RANBP2: variants seen among roughly 807,000 people sequenced by gnomAD.
The protein encoded by RANBP2 is E3 SUMO-protein ligase RanBP2.
In RANBP2, 57 loss-of-function variants were observed where a neutral mutation model predicts 303.6. The observed-to-expected ratio is 0.19, with a 90% confidence interval of 0.15 to 0.23. The LOEUF (loss-of-function observed/expected upper bound fraction) is 0.23, where lower values mean the gene tolerates loss of function less well. Among genes scored for constraint, RANBP2 ranks in the 10% least tolerant of loss-of-function variants. The pLI is 1.00. For missense variants in RANBP2, 3,138 were observed against 3,780.8 expected (o/e 0.83, Z 4.46); for synonymous variants, 1,167 against 1,301.5 (o/e 0.90, Z 2.23).
At chr2:108,754,268 A>G (rs551232967) in intron 15 of RANBP2, among the ~76,000 whole-genome samples, 178 of 151,570 alleles carry the variant, frequency 1.2e-3, no homozygotes, top group African/African-American at 4.3e-3. Context: ...CAAAACAAAT[A>G]TTATAACCTC....
the RANBP2 span, chr2:109,491,067 A>C: frequency 8.4e-6 from 7 of 829,078 alleles, no homozygotes; most frequent in African/African-American, 5.2e-5. Context: ...CAACACCCAG[A>C]TCCACATGGT....
chr2:108,898,433 G>A, the RANBP2 span, among the ~76,000 whole-genome samples: 1 of 152,162 alleles, frequency 6.6e-6, no homozygotes, highest in Admixed American at 6.5e-5. Context: ...TAGCAAGACA[G>A]CACCCTCATT....
At chr2:109,517,017 T>C in the RANBP2 span, among the ~76,000 whole-genome samples, 1 of 152,004 alleles carries the variant, frequency 6.6e-6, no homozygotes, top group African/African-American at 2.4e-5. Context: ...CCCTACCCAC[T>C]AGGAACACAT....
At chr2:109,238,802 A>G in the RANBP2 span, among the ~76,000 whole-genome samples, 1 of 151,950 alleles carries the variant, frequency 6.6e-6, no homozygotes, top group Non-Finnish European at 1.5e-5. Context: ...CCCTGATGAA[A>G]CCCGGCGAGG....
chr2:108,728,727 C>A (rs1422636540), intron 1 of RANBP2, among the ~76,000 whole-genome samples: 1 of 152,116 alleles, frequency 6.6e-6, no homozygotes, highest in Non-Finnish European at 1.5e-5. Context: ...TCACTGCAAC[C>A]TCCACCTCCT....
At chr2:109,039,689 A>C in the RANBP2 span, among the ~76,000 whole-genome samples, 1 of 152,006 alleles carries the variant, frequency 6.6e-6, no homozygotes, top group Admixed American at 6.6e-5. Flanking sequence ...TCTTTTGTTA[A>C]GTACCTATTC....
the RANBP2 span, among the ~76,000 whole-genome samples, chr2:109,152,578 A>T: frequency 4.6e-5 from 7 of 152,184 alleles, no homozygotes; most frequent in African/African-American, 1.2e-4. Flanking sequence ...CCTTTTTATT[A>T]TTTACATTGT....
chr2:109,202,142 C>T, the RANBP2 span, among the ~76,000 whole-genome samples: 20 of 152,298 alleles, frequency 1.3e-4, no homozygotes, highest in Admixed American at 9.1e-4. Flanking sequence ...AGCATATGGA[C>T]GCACTTACAG....
the RANBP2 span, among the ~76,000 whole-genome samples, chr2:109,302,962 T>C: frequency 6.6e-6 from 1 of 152,106 alleles, no homozygotes; most frequent in Non-Finnish European, 1.5e-5. Flanking sequence ...CTGCAACCTC[T>C]GCCTCCCAGG....
chr2:109,072,347 T>C, the RANBP2 span, among the ~76,000 whole-genome samples: 45 of 152,324 alleles, frequency 3.0e-4, no homozygotes, highest in African/African-American at 1.0e-3. Flanking sequence ...TGAAAGAAAC[T>C]CTGTGCTGGC....
the RANBP2 span, among the ~76,000 whole-genome samples, chr2:109,200,696 C>G: frequency 6.6e-6 from 1 of 152,182 alleles, no homozygotes; most frequent in Non-Finnish European, 1.5e-5. Flanking sequence ...CCCTGCACTC[C>G]GGTTGGTTCA....
At chr2:108,779,301 A>G (rs887546419) in intron 25 of RANBP2, among the ~76,000 whole-genome samples, 1 of 152,096 alleles carries the variant, frequency 6.6e-6, no homozygotes, top group Admixed American at 6.5e-5. Context: ...AGCTGGGATT[A>G]CAGGCATGCA....
chr2:109,256,162 C>A, the RANBP2 span, among the ~76,000 whole-genome samples: 2 of 152,184 alleles, frequency 1.3e-5, no homozygotes, highest in Non-Finnish European at 2.9e-5. Context: ...CAGCACCTGG[C>A]GGAGGCCCTC....
intron 6 of RANBP2, among the ~76,000 whole-genome samples, chr2:108,738,131 G>C (rs543914523): frequency 1.4e-5 from 2 of 146,010 alleles, no homozygotes; most frequent in Non-Finnish European, 3.0e-5. Flanking sequence ...GCTGGAGTGC[G>C]GTGGCGCCAT....
chr2:108,792,233 A>C, the RANBP2 span, among the ~76,000 whole-genome samples: 3,200 of 152,280 alleles, frequency 0.021, 108 homozygotes, highest in African/African-American at 0.073. Flanking sequence ...CTGGGCTACA[A>C]GACTTTGAGT....
At chr2:109,069,743 C>T in the RANBP2 span, among the ~76,000 whole-genome samples, 286 of 152,114 alleles carry the variant, frequency 1.9e-3, 1 homozygote, top group African/African-American at 6.5e-3. Flanking sequence ...TCTTTTTTGG[C>T]TCTTTCATGG....
the RANBP2 span, among the ~76,000 whole-genome samples, chr2:109,730,543 G>C: frequency 6.6e-6 from 1 of 152,126 alleles, no homozygotes; most frequent in Admixed American, 6.6e-5. Context: ...ATGCATTCAA[G>C]AGGTATTCAG....
At chr2:109,087,618 A>C in the RANBP2 span, among the ~76,000 whole-genome samples, 2 of 152,206 alleles carry the variant, frequency 1.3e-5, no homozygotes, top group Non-Finnish European at 2.9e-5. Context: ...ACACTATGTT[A>C]TCTAGGGCAA....
At chr2:108,843,634 C>T in the RANBP2 span, among the ~76,000 whole-genome samples, 1 of 152,212 alleles carries the variant, frequency 6.6e-6, no homozygotes, top group South Asian at 2.1e-4. Context: ...GATAAGAAAT[C>T]TGTCATTTGA....
Sources: gnomAD v4.1 joint callset for allele counts (sites outside exome capture counted in the v4.1 genomes callset) on GRCh38, gnomAD v4.1.1 for gene constraint, MANE v1.5 for transcripts, NCBI Gene and HGNC (gene_info 2026-07-23, HGNC 2026-07-21) for gene names.